The following KCNN2 variants were observed in gnomAD, a reference collection of about 807,000 sequenced individuals.
KCNN2 encodes the protein small conductance calcium-activated potassium channel protein 2.
A neutral mutation model predicts 55.5 loss-of-function variants in KCNN2; 24 were observed. That is an observed-to-expected ratio of 0.43 (90% CI 0.31 to 0.61). KCNN2 has a LOEUF of 0.61. Ranked by LOEUF, KCNN2 falls within the 20% of genes least tolerant of loss-of-function variation. KCNN2 has a pLI of 0.08. For synonymous variants in KCNN2, 431 were observed against 336.1 expected (o/e 1.28, Z -3.09); for missense variants, 754 against 853.6 (o/e 0.88, Z 1.45).
At chr5:114,096,024 G>A (rs1347057364) in intron 1 of KCNN2, among the ~76,000 whole-genome samples, 1 of 152,010 alleles carries the variant, frequency 6.6e-6, no homozygotes, top group Non-Finnish European at 1.5e-5. Flanking sequence ...TAGATCCTTT[G>A]CCATACCTTG....
At chr5:114,150,247 A>C (rs963869978) in intron 1 of KCNN2, among the ~76,000 whole-genome samples, 2 of 152,142 alleles carry the variant, frequency 1.3e-5, no homozygotes, top group African/African-American at 4.8e-5. Flanking sequence ...ACTTCAAACT[A>C]TACTACAAGG....
At chr5:114,087,908 C>T (rs181432655) in intron 1 of KCNN2, among the ~76,000 whole-genome samples, 47 of 151,950 alleles carry the variant, frequency 3.1e-4, no homozygotes, top group Admixed American at 2.4e-3. Context: ...TCTCTAATTC[C>T]TTATGCTATT....
chr5:114,359,907 C>T (rs2150043303), upstream of KCNN2, among the ~76,000 whole-genome samples: 1 of 152,264 alleles, frequency 6.6e-6, no homozygotes, highest in Admixed American at 6.5e-5. Context: ...AATTACTTCG[C>T]AGGATTGTTT....
At chr5:114,330,017 T>C (rs1756784659) in intron 2 of KCNN2, among the ~76,000 whole-genome samples, 1 of 55,110 alleles carries the variant, frequency 1.8e-5, no homozygotes, top group Non-Finnish European at 4.1e-5. Flanking sequence ...GGAAACTCCC[T>C]CTCTCTCCCC....
intron 5 of KCNN2, among the ~76,000 whole-genome samples, chr5:114,478,282 T>C (rs1392639854): frequency 2.0e-5 from 3 of 152,036 alleles, no homozygotes; most frequent in African/African-American, 7.2e-5. Flanking sequence ...AGATCCAAAA[T>C]AGCCTTTTAA....
intron 1 of KCNN2, among the ~76,000 whole-genome samples, chr5:114,118,878 C>A (rs561098585): frequency 6.6e-6 from 1 of 152,050 alleles, no homozygotes; most frequent in East Asian, 1.9e-4. Flanking sequence ...ACAGGTGGCA[C>A]CTTCGGAGAC....
intron 2 of KCNN2, among the ~76,000 whole-genome samples, chr5:114,258,138 AT>A (rs1323062121): frequency 6.6e-6 from 1 of 152,178 alleles, no homozygotes; most frequent in Non-Finnish European, 1.5e-5. Context: ...TATGTGATGA[AT>A]CATATTTACT....
At chr5:114,480,431 G>A (rs1171773214) in intron 5 of KCNN2, among the ~76,000 whole-genome samples, 1 of 152,078 alleles carries the variant, frequency 6.6e-6, no homozygotes, top group Non-Finnish European at 1.5e-5. Context: ...CCAGAGGCAC[G>A]AAGAAGAGCT....
rs1197411667 is a variant in KCNN2 at position 114,293,790 on chromosome 5, T to G, written c.-184-67155T>G. Among the ~76,000 whole-genome samples, 5 of 152,322 alleles carry G rather than the reference T, an allele frequency of 3.3e-5. No homozygotes were observed. The East Asian group carries it at 9.7e-4, about 29-fold the overall frequency. Reference sequence around the variant, plus strand: ...TGGTACCAGTTCCTCCTTTTACCTCTGGTAGAATTCGGCTGTGAATCCATC... The same window carrying G: ...TGGTACCAGTTCCTCCTTTTACCTCGGGTAGAATTCGGCTGTGAATCCATC... On this transcript the variant is annotated intron_variant, in intron 2 of 10. Coordinates refer to the KCNN2 transcript ENST00000512097.
At chr5:114,492,985 G>A (rs1280508884) in intron 6 of KCNN2, among the ~76,000 whole-genome samples, 1 of 152,034 alleles carries the variant, frequency 6.6e-6, no homozygotes, top group South Asian at 2.1e-4. Flanking sequence ...GCTAATACCT[G>A]TATCTAATCA....
intron 2 of KCNN2, among the ~76,000 whole-genome samples, chr5:114,226,085 A>G (rs938136879): frequency 2.6e-5 from 4 of 151,646 alleles, no homozygotes; most frequent in Non-Finnish European, 5.9e-5. Flanking sequence ...GCAGAGTGGG[A>G]AATACCAGGT....
At chr5:114,372,739 A>G (rs1251338717) in intron 2 of KCNN2, among the ~76,000 whole-genome samples, 7 of 152,108 alleles carry the variant, frequency 4.6e-5, no homozygotes, top group African/African-American at 1.7e-4. Flanking sequence ...GTATATGGAC[A>G]TGCTATTTGA....
chr5:114,398,924 A>C (rs1758700397), intron 2 of KCNN2, among the ~76,000 whole-genome samples: 1 of 152,186 alleles, frequency 6.6e-6, no homozygotes, highest in African/African-American at 2.4e-5. Context: ...GTTGTTTATT[A>C]AATCATTGAA....
intron 1 of KCNN2, among the ~76,000 whole-genome samples, chr5:114,163,715 G>C (rs1351575583): frequency 6.6e-6 from 1 of 152,138 alleles, no homozygotes; most frequent in Non-Finnish European, 1.5e-5. Context: ...AATATGGGGA[G>C]GAAGGATGTG....
chr5:114,141,467 T>G (rs571806883), intron 1 of KCNN2, among the ~76,000 whole-genome samples: 1 of 152,286 alleles, frequency 6.6e-6, no homozygotes, highest in African/African-American at 2.4e-5. Flanking sequence ...GAACTCATCC[T>G]TTTTTATGAC....
chr5:114,158,340 C>G (rs1169627506), intron 1 of KCNN2, among the ~76,000 whole-genome samples: 1 of 152,130 alleles, frequency 6.6e-6, no homozygotes, highest in Non-Finnish European at 1.5e-5. Flanking sequence ...TCTGAGGGCT[C>G]TGTTCTGTTC....
chr5:114,091,291 G>T (rs1045507598), intron 1 of KCNN2, among the ~76,000 whole-genome samples: 29 of 152,224 alleles, frequency 1.9e-4, no homozygotes, highest in African/African-American at 7.0e-4. Context: ...GGCTCTATGA[G>T]AGCTCTCCTT....
chr5:114,327,820 C>G lies in KCNN2; in HGVS notation c.-184-33125C>G, dbSNP rs140009293. On this transcript the variant is annotated intron_variant, in intron 2 of 10. Coordinates refer to the KCNN2 transcript ENST00000512097. ...GTTCAGGTAGTCCAATTTAGTAAATCAAACAGATATATGTCAATATACAAT... is the reference window on the plus strand; with the variant it reads ...GTTCAGGTAGTCCAATTTAGTAAATGAAACAGATATATGTCAATATACAAT... 2.0e-5 allele frequency among the ~76,000 whole-genome samples: 3 copies of G among 152,222 alleles called. No homozygotes were observed. In the East Asian group the frequency reaches 5.8e-4, roughly 30 times the overall value.
At chr5:114,154,986 G>A (rs944532519) in intron 1 of KCNN2, among the ~76,000 whole-genome samples, 37 of 152,058 alleles carry the variant, frequency 2.4e-4, no homozygotes, top group African/African-American at 7.5e-4. Context: ...TCATCACCCA[G>A]GTATTAAGAC....
Sources: allele counts gnomAD v4.1 joint callset (sites outside exome capture counted in the v4.1 genomes callset), GRCh38; gene constraint gnomAD v4.1.1; transcripts MANE v1.5; gene names NCBI Gene and HGNC (gene_info 2026-07-23, HGNC 2026-07-21).